The following TMPRSS11A variants were observed in gnomAD, a reference collection of about 807,000 sequenced individuals.
TMPRSS11A encodes transmembrane serine protease 11A.
In TMPRSS11A, 53 loss-of-function variants were observed where a neutral mutation model predicts 58.9. The observed-to-expected ratio is 0.90, with a 90% CI of 0.72 to 1.13. The LOEUF (loss-of-function observed/expected upper bound fraction) is 1.13. Ranked by LOEUF, TMPRSS11A falls within the 50% of genes most tolerant of loss-of-function variation. TMPRSS11A has a pLI of 0.00. For missense variants in TMPRSS11A, 493 were observed against 499.3 expected, an observed-to-expected ratio of 0.99 and a Z score of 0.12; for synonymous variants, 167 against 169.8, an observed-to-expected ratio of 0.98 and a Z score of 0.13.
In TMPRSS11A at chr4:67,911,368, A is replaced by G. The variant is rs1228156943; in HGVS notation, c.1231T>C (p.Trp411Arg). ...VYTQVTYYRN[W>R]IASKTGI ...TAGATGCCTGTTTTTGAAGCAATCC[A>G]GTTTCGGTAATAAGTCACTTGTGTG... Residue 411 changes from tryptophan (W) to arginine (R), a missense_variant, in exon 10 of 10, where the codon TGG becomes CGG. By Grantham distance (101) the Trp-to-Arg change is moderately radical. Transcript: ENST00000508048. 4.3e-6 allele frequency: 7 copies of G among 1,613,374 alleles called. No homozygotes were observed. The highest frequency in any genetic ancestry group is 4.0e-5 in the African/African-American group (3 of 75,014).
rs1719970136 is a variant in TMPRSS11A at position 67,911,270 on chromosome 4, C to T, written c.*72G>A. On this transcript the variant is annotated 3_prime_UTR_variant, in exon 10 of 10. Transcript: ENST00000508048. ...TTTAATATCACTTTGTTGTACTACA[C>T]CCACTAAATAGTTGAATTCTCATGC... 1 of 1,370,760 alleles carries T rather than the reference C, an allele frequency of 7.3e-7. No individual in the cohort carries two copies. The highest frequency in any genetic ancestry group is 1.4e-5 in the African/African-American group (1 of 69,934). 84.9% of individuals were successfully genotyped at this position (1,370,760 alleles called of 1,614,324 possible).
chr4:67,932,143 C>A (rs1385654425), intron 3 of TMPRSS11A, 83 bp from the exon 4 acceptor site: 3 of 796,574 alleles, frequency 3.8e-6, no homozygotes, highest in Non-Finnish European at 5.9e-6. Flanking sequence ...TTAAAGCAAT[C>A]AAAAATTTTT....
Position 67,919,008 on chromosome 4 carries a change from ACAGT to A in TMPRSS11A, c.913_916del (p.Thr305SerfsTer24). On this transcript the variant is annotated frameshift_variant, in exon 8 of 10. Transcript: ENST00000508048. LOFTEE classifies it high-confidence loss of function. Reference sequence around the variant, plus strand: ...AAGTGCTCCAAATCCTGTGATGTGGACAGTCAAATTTGGTTGGAAGGATGCAGAG... The same window carrying A: ...AAGTGCTCCAAATCCTGTGATGTGGACAAATTTGGTTGGAAGGATGCAGAG... The A allele has an allele frequency of 1.2e-6, 2 of 1,614,196 alleles. No homozygotes were observed. Among genetic ancestry groups the A allele is most frequent in the Non-Finnish European group, 1.7e-6 (2 of 1,180,026 alleles).
At chr4:67,931,123 A>G (rs1167227606) in intron 4 of TMPRSS11A, among the ~76,000 whole-genome samples, 1 of 152,154 alleles carries the variant, frequency 6.6e-6, no homozygotes, top group Non-Finnish European at 1.5e-5. Flanking sequence ...ATTTGAAAAC[A>G]GAAAACATGA....
chr4:67,941,034 C>A (rs1365349318), intron 3 of TMPRSS11A, among the ~76,000 whole-genome samples: 1 of 152,116 alleles, frequency 6.6e-6, no homozygotes, highest in East Asian at 1.9e-4. Context: ...GATTAATGGA[C>A]CCTTCTCTGA....
chr4:67,911,595 C>T, intron 9 of TMPRSS11A, 92 bp from the exon 10 acceptor site: 1 of 978,934 alleles, frequency 1.0e-6, no homozygotes, highest in South Asian at 1.7e-5. Flanking sequence ...TATTTTGTTA[C>T]TAGACAGTAC....
intron 8 of TMPRSS11A, 67 bp downstream of exon 8, chr4:67,918,906 G>T (rs1720231820): frequency 1.3e-6 from 2 of 1,551,234 alleles, no homozygotes; most frequent in Admixed American, 3.5e-5. Context: ...GGATAATATT[G>T]ATGGAGATGA....
In TMPRSS11A at chr4:67,911,090, G is replaced by A. The variant is rs543101421; in HGVS notation, c.*252C>T. ...GAGTCTCACTGGTACTTCAACATTC[G>A]TGATTTAAAGAGCTAAGTATCTCTA... is the stretch of plus-strand genomic sequence containing the variant. On this transcript the variant is annotated 3_prime_UTR_variant, in exon 10 of 10. Transcript: ENST00000508048. 2.3e-4 allele frequency: 73 copies of A among 322,430 alleles called. 1 individual carries two copies. In the South Asian group the frequency reaches 5.8e-3, roughly 25 times the overall value. 20.0% of individuals were successfully genotyped at this position (322,430 alleles called of 1,614,324 possible). A position where few individuals can be genotyped will look rare whatever the true frequency, so the allele number is the denominator to read the frequency against.
At chr4:67,958,339 C>T (rs1372784079) in intron 1 of TMPRSS11A, among the ~76,000 whole-genome samples, 1 of 152,204 alleles carries the variant, frequency 6.6e-6, no homozygotes, top group Non-Finnish European at 1.5e-5. Context: ...GGAGGCTATA[C>T]CCTGCAAAGC....
chr4:67,952,692 G>A (rs887162117), intron 1 of TMPRSS11A, among the ~76,000 whole-genome samples: 2 of 152,234 alleles, frequency 1.3e-5, no homozygotes, highest in East Asian at 1.9e-4. Context: ...AAACTTCAAA[G>A]GCTTTTATTT....
intron 3 of TMPRSS11A, among the ~76,000 whole-genome samples, chr4:67,940,899 A>T (rs1720866104): frequency 6.6e-6 from 1 of 152,216 alleles, no homozygotes; most frequent in Admixed American, 6.5e-5. Context: ...TAGGCAGCTT[A>T]TTCAGCATAA....
At chr4:67,958,622 G>T (rs192733547) in intron 1 of TMPRSS11A, among the ~76,000 whole-genome samples, 41 of 152,318 alleles carry the variant, frequency 2.7e-4, no homozygotes, top group African/African-American at 9.4e-4. Flanking sequence ...GAAGGGACCT[G>T]CCTTGTCTCA....
intron 1 of TMPRSS11A, among the ~76,000 whole-genome samples, chr4:67,951,567 A>G (rs910888503): frequency 1.3e-4 from 18 of 142,746 alleles, no homozygotes; most frequent in African/African-American, 7.9e-5. Context: ...CTAAGCTCCA[A>G]GTCTCTTCTT....
intron 7 of TMPRSS11A, among the ~76,000 whole-genome samples, chr4:67,922,169 A>T (rs1159211702): frequency 6.6e-6 from 1 of 152,184 alleles, no homozygotes; most frequent in Non-Finnish European, 1.5e-5. Flanking sequence ...GAATCCTTTG[A>T]TACTCCGAGG....
In TMPRSS11A at chr4:67,911,567, A is replaced by G. The variant is rs1375448091; in HGVS notation, c.1096-64T>C. 22 of 1,369,230 alleles carry G rather than the reference A, an allele frequency of 1.6e-5. No homozygotes were observed. In the East Asian group the frequency reaches 5.0e-4, roughly 31 times the overall value. 84.8% of individuals were successfully genotyped at this position (1,369,230 alleles called of 1,614,324 possible). ...CTAAACATAAAGCTCATTATTTAAG[A>G]TATTTTGATGAATCACATATTTTGT... is the stretch of plus-strand genomic sequence containing the variant. On this transcript the variant is annotated intron_variant, in intron 9 of 9. Transcript: ENST00000508048.
chr4:67,913,495 G>A (rs191362887), intron 9 of TMPRSS11A, among the ~76,000 whole-genome samples: 1 of 152,152 alleles, frequency 6.6e-6, no homozygotes, highest in Admixed American at 6.6e-5. Context: ...TAGGCAGCAA[G>A]TTTACCTCTG....
At position 67,963,440 on chromosome 4, in the gene TMPRSS11A, C is replaced by T. The variant is rs776612636; in HGVS notation, c.-47G>A. 2.5e-6 allele frequency: 4 copies of T among 1,606,074 alleles called. No individual in the cohort carries two copies. Among genetic ancestry groups the T allele is most frequent in the Non-Finnish European group, 3.4e-6 (4 of 1,174,868 alleles). ...CTTGCAGGTCTGCACCCACTGAACT[C>T]AACTTTCTAATCAACTATATGACAT... is the stretch of plus-strand genomic sequence containing the variant. On this transcript the variant is annotated 5_prime_UTR_variant, in exon 1 of 10. Coordinates refer to ENST00000508048, the MANE Select transcript of TMPRSS11A (RefSeq NM_001114387.2).
At chr4:67,936,103 C>T (rs1456851720) in intron 3 of TMPRSS11A, among the ~76,000 whole-genome samples, 1 of 152,068 alleles carries the variant, frequency 6.6e-6, no homozygotes, top group Non-Finnish European at 1.5e-5. Flanking sequence ...AGCTTCAGAG[C>T]CTGTTAACGC....
At chr4:67,926,534 T>A (rs1720471459) in intron 5 of TMPRSS11A, among the ~76,000 whole-genome samples, 1 of 152,164 alleles carries the variant, frequency 6.6e-6, no homozygotes, top group Non-Finnish European at 1.5e-5. Flanking sequence ...GTGTCCCACA[T>A]CCCTGAGGCA....
Sources: gnomAD v4.1 joint callset for allele counts (sites outside exome capture counted in the v4.1 genomes callset) on GRCh38, gnomAD v4.1.1 for gene constraint, MANE v1.5 for transcripts, NCBI Gene and HGNC (gene_info 2026-07-23, HGNC 2026-07-21) for gene names.